The following ESR1 variants were observed in gnomAD, a reference collection of about 807,000 sequenced individuals.
The protein encoded by ESR1 is estrogen receptor 1.
A neutral mutation model predicts 52.7 loss-of-function variants in ESR1; 12 were observed. The observed-to-expected ratio is 0.23, with a 90% CI of 0.15 to 0.37. ESR1 has a LOEUF of 0.37. Ranked by LOEUF, ESR1 falls within the 10% of genes least tolerant of loss-of-function variation. The pLI is 1.00. For synonymous variants in ESR1, 305 were observed against 316.8 expected, an observed-to-expected ratio of 0.96 and a Z score of 0.39; for missense variants, 584 against 779.7, an observed-to-expected ratio of 0.75 and a Z score of 2.99.
rs1172355778 is a variant in ESR1 at position 152,086,008 on chromosome 6, GA to G, written c.1370-8374del. Among the ~76,000 whole-genome samples, 4 of 152,318 alleles carry G rather than the reference GA, an allele frequency of 2.6e-5. No homozygotes were observed. In the East Asian group the frequency reaches 7.7e-4, roughly 29 times the overall value. On this transcript the variant is annotated intron_variant, in intron 6 of 7. Transcript: ENST00000206249. Reference sequence around the variant, plus strand: ...CAGGCAAGAAAAGGTAGGATCCAGGGAAACAAATGTATCCAGGATGTTTTGG... The same window carrying G: ...CAGGCAAGAAAAGGTAGGATCCAGGGAACAAATGTATCCAGGATGTTTTGG...
intron 2 of ESR1, among the ~76,000 whole-genome samples, chr6:151,845,595 C>CACT (rs1784979580): frequency 6.6e-6 from 1 of 152,038 alleles, no homozygotes; most frequent in Non-Finnish European, 1.5e-5. Context: ...ACACCACCAC[C>CACT]ACTAACAAAA....
intron 2 of ESR1, among the ~76,000 whole-genome samples, chr6:151,719,230 G>A (rs1781274064): frequency 6.6e-6 from 1 of 152,134 alleles, no homozygotes; most frequent in African/African-American, 2.4e-5. Context: ...TCTTGTGGTG[G>A]AGGCAGGCAG....
intron 5 of ESR1, among the ~76,000 whole-genome samples, chr6:152,047,355 T>C (rs2046308809): frequency 6.6e-6 from 1 of 152,016 alleles, no homozygotes; most frequent in African/African-American, 2.4e-5. Flanking sequence ...AATTCCTAGG[T>C]CATTAGTTTA....
intron 1 of ESR1, among the ~76,000 whole-genome samples, chr6:151,700,079 A>G (rs112782716): frequency 0.015 from 1,889 of 128,176 alleles, 24 homozygotes; most frequent in Non-Finnish European, 0.023. Context: ...GGACAAGTGA[A>G]AAAAAAAAAA....
intron 2 of ESR1, among the ~76,000 whole-genome samples, chr6:151,763,495 A>G (rs774568039): frequency 1.3e-5 from 2 of 152,210 alleles, no homozygotes; most frequent in Non-Finnish European, 2.9e-5. Context: ...TGATGTGCGT[A>G]CATATGTGCG....
upstream of ESR1, among the ~76,000 whole-genome samples, chr6:151,800,861 C>G (rs1394183465): frequency 6.6e-6 from 1 of 152,142 alleles, no homozygotes; most frequent in African/African-American, 2.4e-5. Flanking sequence ...GGGAGGAGCT[C>G]TCGCAAACAT....
intron 1 of ESR1, chr6:151,809,192 G>A: frequency 2.2e-6 from 1 of 459,950 alleles, no homozygotes; most frequent in Non-Finnish European, 4.6e-6. Flanking sequence ...GTCAGCCAGG[G>A]TCTGCGCCTC....
intron 2 of ESR1, among the ~76,000 whole-genome samples, chr6:151,736,755 A>T (rs1782711344): frequency 6.6e-6 from 1 of 152,076 alleles, no homozygotes; most frequent in South Asian, 2.1e-4. Flanking sequence ...AACTATTATT[A>T]TCCCCACTTT....
At chr6:151,926,275 C>G (rs2032721256) in intron 3 of ESR1, among the ~76,000 whole-genome samples, 1 of 152,162 alleles carries the variant, frequency 6.6e-6, no homozygotes, top group Non-Finnish European at 1.5e-5. Flanking sequence ...AGTGCAAGTG[C>G]TCCACCTTCT....
intron 4 of ESR1, among the ~76,000 whole-genome samples, chr6:151,981,168 G>C (rs758169192): frequency 6.6e-6 from 1 of 152,176 alleles, no homozygotes. Context: ...AGTGGTTCTA[G>C]TCTTGTTCAT....
intron 5 of ESR1, among the ~76,000 whole-genome samples, chr6:152,054,326 T>C (rs1181624510): frequency 6.6e-6 from 1 of 152,048 alleles, no homozygotes; most frequent in South Asian, 2.1e-4. Flanking sequence ...TCCAGAGGAG[T>C]CTTTAAATCC....
intron 1 of ESR1, among the ~76,000 whole-genome samples, chr6:151,831,370 G>C (rs1005657142): frequency 6.6e-6 from 1 of 152,006 alleles, no homozygotes; most frequent in African/African-American, 2.4e-5. Context: ...TAACTCTTGG[G>C]CTGAAGCATT....
intron 2 of ESR1, among the ~76,000 whole-genome samples, chr6:151,763,664 C>T (rs1336836046): frequency 1.3e-5 from 2 of 152,152 alleles, no homozygotes; most frequent in Middle Eastern, 3.4e-3. Context: ...TGTCGTTGGT[C>T]GTTATGTCAG....
intron 5 of ESR1, among the ~76,000 whole-genome samples, chr6:152,059,731 A>T (rs536488183): frequency 6.6e-6 from 1 of 152,290 alleles, no homozygotes; most frequent in East Asian, 1.9e-4. Context: ...TTCTATAGCT[A>T]TCTGTACACA....
rs944484494 is a variant in ESR1 at position 152,053,588 on chromosome 6, C to G, written c.1236-7403C>G. ...TCAATCCCTCTCTCCCTCTTTCTCT[C>G]TCTCAATCTGTTTCTCTGTTAATCT... On this transcript the variant is annotated intron_variant, in intron 5 of 7. Transcript: ENST00000206249. The surrounding 1 kb of genome is among the most constrained non-coding windows in gnomAD (Gnocchi z 4.1). 6.6e-6 allele frequency among the ~76,000 whole-genome samples: 1 copy of G among 151,766 alleles called. No individual in the cohort carries two copies. Among genetic ancestry groups the G allele is most frequent in the Non-Finnish European group, 1.5e-5 (1 of 67,938 alleles).
intron 6 of ESR1, among the ~76,000 whole-genome samples, chr6:152,075,170 T>C (rs2048639502): frequency 6.6e-6 from 1 of 152,198 alleles, no homozygotes; most frequent in African/African-American, 2.4e-5. Flanking sequence ...GTGAATGGGC[T>C]TGGTGCCCCC....
chr6:152,114,083 C>A (rs1331485979), intron 6 of ESR1, among the ~76,000 whole-genome samples: 1 of 152,166 alleles, frequency 6.6e-6, no homozygotes, highest in African/African-American at 2.4e-5. Context: ...GAGGGAGGAA[C>A]TGAGCCCCGT....
intron 4 of ESR1, among the ~76,000 whole-genome samples, chr6:151,967,988 A>AGAAG (rs1384474081): frequency 1.2e-4 from 19 of 152,102 alleles, no homozygotes; most frequent in Non-Finnish European, 2.5e-4. Context: ...TCTTCTTTTG[A>AGAAG]GAAGTGTCTG....
chr6:151,773,420 C>T (rs1356850108), intron 2 of ESR1, among the ~76,000 whole-genome samples: 1 of 152,230 alleles, frequency 6.6e-6, no homozygotes, highest in Non-Finnish European at 1.5e-5. Context: ...TTTGTTCCAG[C>T]AACCTTGGGA....
Sources: allele counts gnomAD v4.1 joint callset (sites outside exome capture counted in the v4.1 genomes callset), GRCh38; gene constraint gnomAD v4.1.1; non-coding constraint Gnocchi (gnomAD v3.1); transcripts MANE v1.5; gene names NCBI Gene and HGNC (gene_info 2026-07-23, HGNC 2026-07-21).